HSPA14: variants seen among roughly 807,000 people sequenced by gnomAD.
HSPA14 encodes heat shock protein family A (Hsp70) member 14.
In HSPA14, 37 loss-of-function variants were observed where a neutral mutation model predicts 65.5. That is an observed-to-expected ratio of 0.56 (90% CI 0.43 to 0.74). The LOEUF (loss-of-function observed/expected upper bound fraction) is 0.74, where lower values mean the gene tolerates loss of function less well. HSPA14 is among the 30% of genes least tolerant of loss of function. The probability of loss-of-function intolerance (pLI) is 0.00; values close to 1 mark genes in which losing one functional copy is unlikely to be tolerated. For missense variants in HSPA14, 564 were observed against 607.6 expected (o/e 0.93, Z 0.75); for synonymous variants, 203 against 214.2 (o/e 0.95, Z 0.46).
intron 3 of HSPA14, 152 bp from the exon 4 acceptor site, chr10:14,848,457 A>T (rs1302060050): frequency 3.7e-6 from 2 of 543,254 alleles, no homozygotes; most frequent in Non-Finnish European, 6.5e-6. Flanking sequence ...CTTCTGTAAT[A>T]TTTGAAGACT....
intron 3 of HSPA14, chr10:14,841,255 A>G (rs1184979591): frequency 6.6e-6 from 1 of 152,210 alleles, no homozygotes; most frequent in East Asian, 1.9e-4. Context: ...CCTTTTACCT[A>G]TTGATAAAAC....
intron 3 of HSPA14, 119 bp downstream of exon 3, chr10:14,840,276 G>C: frequency 2.4e-6 from 1 of 408,538 alleles, no homozygotes; most frequent in Non-Finnish European, 4.2e-6. Context: ...TTTTATGACT[G>C]AGTCATTACA....
chr10:14,845,173 T>A, intron 3 of HSPA14: 1 of 985,446 alleles, frequency 1.0e-6, no homozygotes, highest in Non-Finnish European at 1.2e-6. Context: ...CACTTCCGAT[T>A]TACTCTAGAA....
intron 12 of HSPA14, among the ~76,000 whole-genome samples, chr10:14,868,818 T>C (rs1832828900): frequency 1.3e-5 from 2 of 152,202 alleles, no homozygotes; most frequent in South Asian, 4.1e-4. Flanking sequence ...AAATTAAATA[T>C]CGGTAACAAA....
At chr10:14,847,735 G>A (rs1162161678) in intron 3 of HSPA14, among the ~76,000 whole-genome samples, 1 of 152,198 alleles carries the variant, frequency 6.6e-6, no homozygotes, top group East Asian at 1.9e-4. Context: ...AAATAGAATA[G>A]TCACAGCTCC....
intron 5 of HSPA14, chr10:14,849,296 T>A (rs539844641): frequency 2.4e-6 from 1 of 415,540 alleles, no homozygotes; most frequent in South Asian, 1.8e-5. Context: ...GTCGAACAAT[T>A]TGGGAAATTC....
At chr10:14,870,739 T>C (rs1293984868) in intron 13 of HSPA14, 72 bp downstream of exon 13, 1 of 1,304,816 alleles carries the variant, frequency 7.7e-7, no homozygotes, top group Middle Eastern at 2.3e-4. Context: ...TTATTGATTT[T>C]TTTATTTATT....
intron 10 of HSPA14, among the ~76,000 whole-genome samples, chr10:14,860,072 C>T (rs1405956750): frequency 6.6e-6 from 1 of 152,142 alleles, no homozygotes; most frequent in African/African-American, 2.4e-5. Flanking sequence ...TTGCTGAGTG[C>T]TATGGGATTA....
chr10:14,868,587 C>T lies in HSPA14; in HGVS notation c.1380+678C>T, dbSNP rs78258326. On this transcript the variant is annotated intron_variant, in intron 12 of 13. Transcript: ENST00000378372. ...TGTATCTAAATAAAAAGTCTGGGAG[C>T]ATGAGTGTGTGTGAGGAGGTAGTAT... Among the ~76,000 whole-genome samples, 318 of 152,150 alleles carry T rather than the reference C, an allele frequency of 2.1e-3. 7 individuals carry two copies. In the East Asian group the frequency reaches 0.051, roughly 24 times the overall value.
At chr10:14,871,484 T>A in intron 13 of HSPA14, 44 bp from the exon 14 acceptor site, 1 of 1,131,376 alleles carries the variant, frequency 8.8e-7, no homozygotes, top group Non-Finnish European at 1.3e-6. Flanking sequence ...TATGTTTTTA[T>A]AAAATGAGCT....
chr10:14,863,309 CTG>C (rs548796415), intron 10 of HSPA14, among the ~76,000 whole-genome samples: 221 of 152,272 alleles, frequency 1.5e-3, no homozygotes, highest in African/African-American at 5.1e-3. Context: ...AACATAAACA[CTG>C]AAAAGGGGAG....
At chr10:14,858,087 A>C (rs1320266061) in intron 10 of HSPA14, among the ~76,000 whole-genome samples, 1 of 152,152 alleles carries the variant, frequency 6.6e-6, no homozygotes, top group Non-Finnish European at 1.5e-5. Context: ...TAGACTGGGC[A>C]AAATGCTTCA....
rs759711023 is a variant in HSPA14 at position 14,838,450 on chromosome 10, C to G, written c.48C>G (p.Ala16=). Residue 16 remains alanine, a synonymous_variant, in exon 1 of 14, where the codon GCC becomes GCG. Coordinates refer to ENST00000378372, the MANE Select transcript of HSPA14 (RefSeq NM_016299.4). ...VHLGCTSACV[A]VYKDGRAGVV... is the part of the protein sequence containing the mutation. ...TGGGCTGCACCTCAGCCTGTGTGGC[C>G]GTCTATAAGGTGAGGGGCTGCGGAG... 2 of 1,605,292 alleles carry G rather than the reference C, an allele frequency of 1.2e-6. No homozygotes were observed. Among genetic ancestry groups the G allele is most frequent in the Non-Finnish European group, 1.7e-6 (2 of 1,177,956 alleles).
intron 10 of HSPA14, among the ~76,000 whole-genome samples, chr10:14,863,302 A>T (rs1031343606): frequency 6.6e-6 from 1 of 152,156 alleles, no homozygotes; most frequent in Non-Finnish European, 1.5e-5. Context: ...CCCTTTTAAC[A>T]TAAACACTGA....
chr10:14,853,990 T>C (rs1379221807), intron 8 of HSPA14, 135 bp from the exon 9 acceptor site: 1 of 752,858 alleles, frequency 1.3e-6, no homozygotes, highest in Non-Finnish European at 2.0e-6. Flanking sequence ...AAAGTTGGGA[T>C]TACACGCGTG....
intron 5 of HSPA14, chr10:14,849,367 T>G: frequency 2.1e-6 from 1 of 486,476 alleles, no homozygotes; most frequent in Admixed American, 2.3e-5. Flanking sequence ...ACTTGGGGGT[T>G]GGAAGGCAGG....
intron 10 of HSPA14, among the ~76,000 whole-genome samples, chr10:14,857,235 C>T (rs1453571851): frequency 6.6e-6 from 1 of 152,096 alleles, no homozygotes; most frequent in Non-Finnish European, 1.5e-5. Flanking sequence ...GAGAATGATG[C>T]CTGTCTTTAT....
intron 10 of HSPA14, among the ~76,000 whole-genome samples, chr10:14,866,074 T>C (rs1272720443): frequency 6.6e-6 from 1 of 152,158 alleles, no homozygotes; most frequent in Non-Finnish European, 1.5e-5. Flanking sequence ...TTGCTACTTA[T>C]TAATAAAGCT....
chr10:14,838,324 T>C lies in HSPA14; in HGVS notation c.-79T>C, dbSNP rs1833916829. The C allele has an allele frequency of 2.8e-6, 4 of 1,422,352 alleles. No homozygotes were observed. Among genetic ancestry groups the C allele is most frequent in the Admixed American group, 3.9e-5 (2 of 51,008 alleles). 88.1% of individuals were successfully genotyped at this position (1,422,352 alleles called of 1,614,324 possible). A position where few individuals can be genotyped will look rare whatever the true frequency, so the allele number is the denominator to read the frequency against. On this transcript the variant is annotated 5_prime_UTR_variant, in exon 1 of 14. Coordinates refer to ENST00000378372, the MANE Select transcript of HSPA14 (RefSeq NM_016299.4). ...CGGGAACGTGAAGCTCCGCGGTGCC[T>C]GATGGGGCCGTTGGGCGGCCGGTAG...
Sources: gnomAD v4.1 joint callset for allele counts (sites outside exome capture counted in the v4.1 genomes callset) on GRCh38, gnomAD v4.1.1 for gene constraint, MANE v1.5 for transcripts, NCBI Gene and HGNC (gene_info 2026-07-23, HGNC 2026-07-21) for gene names.